The following JAK2 variants were observed in gnomAD, a reference collection of about 807,000 sequenced individuals.
The protein encoded by JAK2 is Janus kinase 2, also known as tyrosine-protein kinase JAK2.
In JAK2, 86 loss-of-function variants were observed where a neutral mutation model predicts 139.3. The observed-to-expected ratio is 0.62, with a 90% CI of 0.52 to 0.74. The LOEUF (loss-of-function observed/expected upper bound fraction) is 0.74. Among genes scored for constraint, JAK2 ranks in the 30% least tolerant of loss-of-function variants. The probability of loss-of-function intolerance (pLI) is 0.00; values close to 1 mark genes in which losing one functional copy is unlikely to be tolerated. For missense variants in JAK2, 1,421 were observed against 1,360.3 expected (o/e 1.04, Z -0.70); for synonymous variants, 490 against 437.7 (o/e 1.12, Z -1.49).
At chr9:5,112,587 G>C (rs1032225646) in intron 22 of JAK2, 1 of 728,210 alleles carries the variant, frequency 1.4e-6, no homozygotes, top group Non-Finnish European at 2.3e-6. Flanking sequence ...TCCCTTAAGA[G>C]GGCTCTTAAG....
chr9:4,986,243 T>C (rs1408231883), intron 2 of JAK2, among the ~76,000 whole-genome samples: 3 of 152,200 alleles, frequency 2.0e-5, no homozygotes, highest in Admixed American at 2.0e-4. Context: ...TTTTGTTGGC[T>C]TTACACATAA....
chr9:4,998,477 G>A (rs530289721), intron 2 of JAK2, among the ~76,000 whole-genome samples: 106 of 152,136 alleles, frequency 7.0e-4, no homozygotes, highest in Non-Finnish European at 1.3e-3. Context: ...GGCTGGTCTC[G>A]AACTCCTGAC....
In JAK2 at chr9:5,110,847, G is replaced by T. The variant is rs113429931; in HGVS notation, c.3060-12157G>T. ...CCCGTTTGTTCGGGGAAGGTGGGGG[G>T]GACGCTTCATGCCGCCGCGCCCAGC... On this transcript the variant is annotated intron_variant, in intron 22 of 24. Transcript: ENST00000381652. 7 of 470,692 alleles carry T rather than the reference G, an allele frequency of 1.5e-5. No individual in the cohort carries two copies. In the Admixed American group the frequency reaches 1.8e-4, roughly 12 times the overall value. The allele number at this position is 470,692 out of a possible 1,614,324, so 29.2% of individuals were successfully genotyped here. A position where few individuals can be genotyped will look rare whatever the true frequency, so the allele number is the denominator to read the frequency against.
At chr9:5,014,242 G>A (rs1270245556) in intron 2 of JAK2, among the ~76,000 whole-genome samples, 1 of 144,572 alleles carries the variant, frequency 6.9e-6, no homozygotes, top group Non-Finnish European at 1.5e-5. Flanking sequence ...GAGCTAAAGT[G>A]ATCCTCTCAC....
rs377171155 is a variant in JAK2, at chr9:5,067,003, A to C, written c.1326+214A>C. Among the ~76,000 whole-genome samples the C allele has an allele frequency of 2.0e-5, 3 of 152,072 alleles. No individual in the cohort carries two copies. The East Asian group carries it at 5.8e-4, about 29-fold the overall frequency. On this transcript the variant is annotated intron_variant, in intron 10 of 24. Transcript: ENST00000381652. ...AAATATAAAATAATTTATAATGTCT[A>C]TCTTTTTATTTTGCATTTATTTTAT... is the stretch of plus-strand genomic sequence containing the variant.
At chr9:5,106,702 A>G (rs1821986862) in intron 22 of JAK2, among the ~76,000 whole-genome samples, 1 of 152,192 alleles carries the variant, frequency 6.6e-6, no homozygotes, top group African/African-American at 2.4e-5. Context: ...AAATATCCCA[A>G]GGAATACTAT....
intron 5 of JAK2, among the ~76,000 whole-genome samples, chr9:5,048,447 C>G (rs1449247224): frequency 6.6e-6 from 1 of 152,072 alleles, no homozygotes; most frequent in Non-Finnish European, 1.5e-5. Flanking sequence ...AGCCCATCTA[C>G]TAGTTCTATA....
intron 22 of JAK2, chr9:5,112,465 C>G (rs972542316): frequency 5.5e-6 from 3 of 543,486 alleles, no homozygotes; most frequent in South Asian, 4.7e-5. Flanking sequence ...GAAGGACCCC[C>G]GGGACCGGAC....
At chr9:5,000,708 C>A (rs76045732) in intron 2 of JAK2, among the ~76,000 whole-genome samples, 1 of 151,836 alleles carries the variant, frequency 6.6e-6, no homozygotes, top group African/African-American at 2.4e-5. Flanking sequence ...GTAATTTCTC[C>A]GGTGTCTTAA....
At chr9:5,072,735 A>G (rs1047354081) in intron 13 of JAK2, 109 bp downstream of exon 13, 2 of 786,706 alleles carry the variant, frequency 2.5e-6, no homozygotes, top group African/African-American at 3.6e-5. Context: ...TAATTTTTAA[A>G]TGTGTCAAGG....
At chr9:5,085,448 A>C in intron 19 of JAK2, 1 of 738,796 alleles carries the variant, frequency 1.4e-6, no homozygotes, top group South Asian at 1.4e-5. Flanking sequence ...GTATTCTTGA[A>C]GGTCTTTTCA....
intron 3 of JAK2, among the ~76,000 whole-genome samples, chr9:5,023,189 G>C (rs1035329218): frequency 6.6e-6 from 1 of 152,084 alleles, no homozygotes; most frequent in Non-Finnish European, 1.5e-5. Context: ...GCCAGTCTCT[G>C]CTACCAATCC....
chr9:5,024,120 G>A (rs2130096675), intron 3 of JAK2, among the ~76,000 whole-genome samples: 1 of 152,220 alleles, frequency 6.6e-6, no homozygotes, highest in Middle Eastern at 3.4e-3. Flanking sequence ...GCCAGGTGTG[G>A]TGGTGGGCAC....
chr9:5,119,392 C>T (rs571333092), intron 22 of JAK2, among the ~76,000 whole-genome samples: 80 of 151,668 alleles, frequency 5.3e-4, no homozygotes, highest in African/African-American at 1.7e-3. Context: ...TATGCACTTT[C>T]ATGTATAATT....
At position 5,118,982 on chromosome 9, in the gene JAK2, T is replaced by C. The variant is rs148014250; in HGVS notation, c.3060-4022T>C. On this transcript the variant is annotated intron_variant, in intron 22 of 24. Coordinates refer to ENST00000381652, the MANE Select transcript of JAK2 (RefSeq NM_004972.4). The stretch of plus-strand genomic sequence containing the variant: ...TTAATTCCAACTATATGTTACACTT[T>C]CACGTGGATGTACCTTGTTTAAACT... 1.9e-4 allele frequency among the ~76,000 whole-genome samples: 29 copies of C among 152,324 alleles called. 1 individual carries two copies. The East Asian group carries it at 5.0e-3, about 26-fold the overall frequency.
intron 22 of JAK2, among the ~76,000 whole-genome samples, chr9:5,106,526 T>C: frequency 6.6e-6 from 1 of 152,128 alleles, no homozygotes; most frequent in African/African-American, 2.4e-5. Flanking sequence ...GAAATACCAT[T>C]TGACCCAGCC....
chr9:5,089,583 A>G (rs988073797), intron 19 of JAK2, 91 bp from the exon 20 acceptor site: 1 of 376,606 alleles, frequency 2.7e-6, no homozygotes, highest in Non-Finnish European at 4.6e-6. Flanking sequence ...TGCTAATTCC[A>G]GCTACTAGAA....
intron 2 of JAK2, among the ~76,000 whole-genome samples, chr9:5,016,987 C>A (rs1366899454): frequency 6.6e-6 from 1 of 152,106 alleles, no homozygotes; most frequent in Admixed American, 6.5e-5. Context: ...CATTTTTGAT[C>A]AAGATAAAGA....
At chr9:5,017,353 A>G (rs991943956) in intron 2 of JAK2, among the ~76,000 whole-genome samples, 3 of 152,252 alleles carry the variant, frequency 2.0e-5, no homozygotes, top group African/African-American at 7.2e-5. Context: ...AGTGGTGGGC[A>G]CAAACTGATA....
Sources: allele counts gnomAD v4.1 joint callset (sites outside exome capture counted in the v4.1 genomes callset), GRCh38; gene constraint gnomAD v4.1.1; transcripts MANE v1.5; gene names NCBI Gene and HGNC (gene_info 2026-07-23, HGNC 2026-07-21).